Variants in ACACA observed in about 807,000 individuals in gnomAD.
The protein encoded by ACACA is acetyl-CoA carboxylase 1.
In ACACA, 103 loss-of-function variants were observed where a neutral mutation model predicts 296.1. That is an observed-to-expected ratio of 0.35 (90% CI 0.30 to 0.41). The LOEUF (loss-of-function observed/expected upper bound fraction) is 0.41, where lower values mean the gene tolerates loss of function less well. ACACA is among the 10% of genes least tolerant of loss of function. The pLI is 1.00. For synonymous variants in ACACA, 953 were observed against 1,038.6 expected, an observed-to-expected ratio of 0.92 and a Z score of 1.58; for missense variants, 1,554 against 2,989.7, an observed-to-expected ratio of 0.52 and a Z score of 11.20.
intron 1 of ACACA, among the ~76,000 whole-genome samples, chr17:37,402,424 G>A (rs991104459): frequency 1.3e-5 from 2 of 152,166 alleles, no homozygotes; most frequent in East Asian, 3.8e-4. Flanking sequence ...TGATGATAAA[G>A]ATATAGGAAG....
intron 2 of ACACA, among the ~76,000 whole-genome samples, chr17:37,337,835 C>T (rs976534500): frequency 3.9e-5 from 6 of 152,084 alleles, no homozygotes; most frequent in Admixed American, 1.3e-4. Context: ...CAGTGGCTCA[C>T]GCCTGTAATC....
At chr17:37,319,095 A>T (rs1346640889) in intron 3 of ACACA, among the ~76,000 whole-genome samples, 1 of 152,132 alleles carries the variant, frequency 6.6e-6, no homozygotes, top group Non-Finnish European at 1.5e-5. Context: ...TACTTTCATG[A>T]TTTGCTAACT....
chr17:37,325,072 G>A (rs149664409), intron 3 of ACACA, among the ~76,000 whole-genome samples: 14 of 144,874 alleles, frequency 9.7e-5, no homozygotes, highest in South Asian at 2.2e-4. Context: ...ATGGTGGCGC[G>A]CACCTCTAAT....
At position 37,195,460 on chromosome 17, in the gene ACACA, T is replaced by C. The variant is rs2077951940; in HGVS notation, c.4159-2045A>G. Among the ~76,000 whole-genome samples, 5 of 152,090 alleles carry C rather than the reference T, an allele frequency of 3.3e-5. No individual in the cohort carries two copies. In the South Asian group the frequency reaches 1.0e-3, roughly 31 times the overall value. On this transcript the variant is annotated intron_variant, in intron 35 of 55. Coordinates refer to ENST00000616317, the MANE Select transcript of ACACA (RefSeq NM_198834.3). The stretch of plus-strand genomic sequence containing the variant: ...GGCAGAGGTGGGCAATGACTACCAA[T>C]TAGAAAAACCACTTTCATTAAGGTT...
chr17:37,111,103 C>T (rs2073949180), intron 52 of ACACA, among the ~76,000 whole-genome samples: 1 of 152,134 alleles, frequency 6.6e-6, no homozygotes, highest in Non-Finnish European at 1.5e-5. Context: ...CTCAGGAAGA[C>T]CCCGGAACAC....
chr17:37,174,376 C>T lies in ACACA; in HGVS notation c.5079+4884G>A, dbSNP rs1480927152. 2.6e-5 allele frequency among the ~76,000 whole-genome samples: 4 copies of T among 151,924 alleles called. No homozygotes were observed. In the East Asian group the frequency reaches 7.7e-4, roughly 29 times the overall value. ...GTGAATCTGCCTCAACAAACAAGGC[C>T]ACTCACAAGGCTCATGTGAATGCTA... On this transcript the variant is annotated intron_variant, in intron 41 of 55. Coordinates refer to ENST00000616317, the MANE Select transcript of ACACA (RefSeq NM_198834.3).
At chr17:37,379,387 G>A in intron 1 of ACACA, 9 of 1,612,218 alleles carry the variant, frequency 5.6e-6, no homozygotes, top group Non-Finnish European at 7.6e-6. Context: ...GCAAAGGTGA[G>A]ATTGGAAAAG....
chr17:37,155,616 T>C, intron 43 of ACACA, 67 bp downstream of exon 43: 1 of 1,074,086 alleles, frequency 9.3e-7, no homozygotes, highest in Non-Finnish European at 1.4e-6. Context: ...CTGTACAATA[T>C]GGAAAAAAAT....
intron 1 of ACACA, among the ~76,000 whole-genome samples, chr17:37,396,106 G>A (rs562862359): frequency 7.2e-5 from 11 of 152,162 alleles, no homozygotes; most frequent in East Asian, 3.9e-4. Flanking sequence ...TTGGAGGGCC[G>A]AGTCGGGTGG....
At chr17:37,268,733 C>CTATATATATATATATATATATATATA (rs1402309165) in intron 10 of ACACA, among the ~76,000 whole-genome samples, 1 of 70,826 alleles carries the variant, frequency 1.4e-5, no homozygotes, top group African/African-American at 6.2e-5. Flanking sequence ...ATCTATCTAT[C>CTATATATATATATATATATATATATA]TATCTATCTA....
Position 37,113,303 on chromosome 17 carries a change from C to T in ACACA, c.6275-38G>A. The T allele has an allele frequency of 6.2e-7, 1 of 1,604,212 alleles. No individual in the cohort carries two copies. The highest frequency in any genetic ancestry group is 8.5e-7 in the Non-Finnish European group (1 of 1,172,666). On this transcript the variant is annotated intron_variant, in intron 50 of 55. Coordinates refer to ENST00000616317, the MANE Select transcript of ACACA (RefSeq NM_198834.3). This position sits in a 1 kb window ranked among gnomAD's most constrained non-coding sequence, Gnocchi z 4.0. ...AGACAAATTAGAAATCAAGAAATTT[C>T]TCTTCCTCAAAGCAGTACTTTTAAA...
chr17:37,154,409 T>G (rs1265550108), intron 43 of ACACA, among the ~76,000 whole-genome samples: 1 of 151,980 alleles, frequency 6.6e-6, no homozygotes, highest in Non-Finnish European at 1.5e-5. Flanking sequence ...ATAGTTTAAA[T>G]AGTGTGGTAT....
intron 15 of ACACA, 101 bp downstream of exon 15, chr17:37,252,785 C>G (rs2081054728): frequency 6.7e-7 from 1 of 1,501,726 alleles, no homozygotes; most frequent in Non-Finnish European, 9.2e-7. Flanking sequence ...GATCAAGAAC[C>G]ATTTACATTA....
chr17:37,153,970 A>G (rs1350584401), intron 43 of ACACA, among the ~76,000 whole-genome samples: 1 of 152,222 alleles, frequency 6.6e-6, no homozygotes, highest in East Asian at 1.9e-4. Flanking sequence ...ACTCAATACA[A>G]TCTGAATCAA....
At chr17:37,391,648 T>C (rs769764779) in intron 1 of ACACA, 1 of 1,613,526 alleles carries the variant, frequency 6.2e-7, no homozygotes, top group South Asian at 1.1e-5. Flanking sequence ...AATCTCTAGG[T>C]TGGACAAGAT....
At chr17:37,176,042 T>C (rs1349671276) in intron 41 of ACACA, among the ~76,000 whole-genome samples, 2 of 152,212 alleles carry the variant, frequency 1.3e-5, no homozygotes, top group East Asian at 3.9e-4. Flanking sequence ...TGGAACTGAA[T>C]TGGTCCAAGT....
chr17:37,406,027 G>A (rs1482770706), intron 1 of ACACA, among the ~76,000 whole-genome samples: 1 of 152,046 alleles, frequency 6.6e-6, no homozygotes, highest in Admixed American at 6.6e-5. Context: ...ATAAACCATG[G>A]TTTGAATTCC....
At chr17:37,159,007 G>C (rs1202325961) in intron 42 of ACACA, among the ~76,000 whole-genome samples, 1 of 151,788 alleles carries the variant, frequency 6.6e-6, no homozygotes, top group African/African-American at 2.4e-5. Context: ...GCAAAACCTT[G>C]TCTTTATGAA....
chr17:37,348,308 C>T (rs932163401), intron 1 of ACACA, among the ~76,000 whole-genome samples: 2 of 152,074 alleles, frequency 1.3e-5, no homozygotes, highest in African/African-American at 4.8e-5. Flanking sequence ...GCCAGATTGC[C>T]ATGGTCATTG....
Sources: gnomAD v4.1 joint callset for allele counts (sites outside exome capture counted in the v4.1 genomes callset) on GRCh38, gnomAD v4.1.1 for gene constraint, Gnocchi (gnomAD v3.1) non-coding constraint, MANE v1.5 for transcripts, NCBI Gene and HGNC (gene_info 2026-07-23, HGNC 2026-07-21) for gene names.